The following LRRTM4 variants were observed in gnomAD, a reference collection of about 807,000 sequenced individuals.
The protein encoded by LRRTM4 is leucine-rich repeat transmembrane neuronal protein 4.
A neutral mutation model predicts 47.6 loss-of-function variants in LRRTM4; 25 were observed. That is an observed-to-expected ratio of 0.53 (90% CI 0.38 to 0.73). The LOEUF (loss-of-function observed/expected upper bound fraction) is 0.73, where lower values mean the gene tolerates loss of function less well. Ranked by LOEUF, LRRTM4 falls within the 30% of genes least tolerant of loss-of-function variation. The pLI is 0.00. For synonymous variants in LRRTM4, 311 were observed against 269.5 expected (o/e 1.15, Z -1.51); for missense variants, 638 against 713.4 (o/e 0.89, Z 1.20).
At chr2:77,029,058 T>A (rs1247806472) in intron 3 of LRRTM4, among the ~76,000 whole-genome samples, 5 of 144,098 alleles carry the variant, frequency 3.5e-5, no homozygotes, top group African/African-American at 1.3e-4. Context: ...CACAAATATA[T>A]ATATATATAT....
chr2:77,308,054 A>G (rs1368359790), intron 3 of LRRTM4, among the ~76,000 whole-genome samples: 2 of 142,236 alleles, frequency 1.4e-5, no homozygotes, highest in Admixed American at 1.4e-4. Flanking sequence ...ATAACATTAT[A>G]TATCTATATA....
At chr2:76,974,651 A>T (rs1395540837) in intron 3 of LRRTM4, among the ~76,000 whole-genome samples, 1 of 151,704 alleles carries the variant, frequency 6.6e-6, no homozygotes, top group Non-Finnish European at 1.5e-5. Context: ...TACAAAGGAT[A>T]TATTTTTCAG....
At chr2:76,793,655 G>A (rs1675099994) in intron 3 of LRRTM4, among the ~76,000 whole-genome samples, 1 of 152,028 alleles carries the variant, frequency 6.6e-6, no homozygotes, top group South Asian at 2.1e-4. Context: ...AGGGAACACA[G>A]GATATGGTAG....
chr2:77,471,949 C>A (rs1047621825), intron 3 of LRRTM4, among the ~76,000 whole-genome samples: 1 of 152,146 alleles, frequency 6.6e-6, no homozygotes, highest in African/African-American at 2.4e-5. Flanking sequence ...CAAATCTAAT[C>A]TTTGTGGTGC....
At chr2:76,771,116 T>A (rs146844378) in intron 3 of LRRTM4, among the ~76,000 whole-genome samples, 41 of 135,376 alleles carry the variant, frequency 3.0e-4, no homozygotes, top group African/African-American at 1.1e-3. Context: ...CTAATCCAGA[T>A]TTAATCCTGA....
chr2:76,955,914 A>G (rs1469889977), intron 3 of LRRTM4, among the ~76,000 whole-genome samples: 3 of 151,836 alleles, frequency 2.0e-5, no homozygotes, highest in Non-Finnish European at 4.4e-5. Flanking sequence ...CCAAACTGAC[A>G]AAGATGGACA....
At chr2:77,300,224 A>G (rs1287923546) in intron 3 of LRRTM4, among the ~76,000 whole-genome samples, 2 of 152,180 alleles carry the variant, frequency 1.3e-5, no homozygotes, top group African/African-American at 4.8e-5. Context: ...TCTAGGAAAC[A>G]TAGGTTATTT....
intron 3 of LRRTM4, among the ~76,000 whole-genome samples, chr2:76,801,862 G>A (rs1675708843): frequency 6.6e-6 from 1 of 151,982 alleles, no homozygotes; most frequent in Non-Finnish European, 1.5e-5. Context: ...ACACAATGAA[G>A]GACAAACACC....
At chr2:76,814,461 T>C (rs954976660) in intron 3 of LRRTM4, among the ~76,000 whole-genome samples, 4 of 152,066 alleles carry the variant, frequency 2.6e-5, no homozygotes, top group African/African-American at 9.7e-5. Context: ...TCCTTATCCA[T>C]GGTTCTGCAT....
intron 3 of LRRTM4, among the ~76,000 whole-genome samples, chr2:77,438,514 C>G (rs188824089): frequency 1.4e-5 from 2 of 147,768 alleles, no homozygotes; most frequent in East Asian, 4.0e-4. Context: ...TCACGCCATT[C>G]TCCTTCCTCA....
At position 77,325,031 on chromosome 2, in the gene LRRTM4, T is replaced by C. The variant is rs548118931; in HGVS notation, c.1551+193287A>G. Among the ~76,000 whole-genome samples the C allele has an allele frequency of 1.1e-4, 16 of 152,280 alleles. No homozygotes were observed. In the East Asian group the frequency reaches 3.1e-3, roughly 29 times the overall value. ...GTTATAGTATTCCATGCACATCCCT[T>C]CCACTGAAGCAGCTACTATTTAGTT... On this transcript the variant is annotated intron_variant, in intron 3 of 3. Coordinates refer to ENST00000409884, the MANE Select transcript of LRRTM4 (RefSeq NM_001134745.3).
intron 3 of LRRTM4, among the ~76,000 whole-genome samples, chr2:77,069,143 C>A (rs1363038981): frequency 6.6e-6 from 1 of 152,122 alleles, no homozygotes; most frequent in African/African-American, 2.4e-5. Flanking sequence ...GGCTGTGAGA[C>A]CCCTGATTTC....
intron 3 of LRRTM4, among the ~76,000 whole-genome samples, chr2:76,899,165 A>G (rs1033539658): frequency 1.1e-4 from 16 of 152,086 alleles, no homozygotes; most frequent in African/African-American, 3.9e-4. Context: ...GAGTATGCAT[A>G]TACCTCAAGA....
chr2:77,110,640 C>T (rs1276454621), intron 3 of LRRTM4, among the ~76,000 whole-genome samples: 1 of 152,002 alleles, frequency 6.6e-6, no homozygotes, highest in Admixed American at 6.5e-5. Flanking sequence ...ATGTCTGACC[C>T]TTAACAAGAA....
chr2:76,958,318 G>C (rs1005481579), intron 3 of LRRTM4, among the ~76,000 whole-genome samples: 2 of 151,708 alleles, frequency 1.3e-5, no homozygotes, highest in African/African-American at 4.8e-5. Context: ...TTTTGAGTTT[G>C]ACTCTATGGT....
At chr2:76,948,832 TG>T (rs1431949675) in intron 3 of LRRTM4, among the ~76,000 whole-genome samples, 6 of 151,838 alleles carry the variant, frequency 4.0e-5, no homozygotes, top group African/African-American at 1.4e-4. Flanking sequence ...TAATGAAATT[TG>T]GGGCTCATAA....
At chr2:76,867,060 C>T (rs1426897465) in intron 3 of LRRTM4, among the ~76,000 whole-genome samples, 1 of 151,462 alleles carries the variant, frequency 6.6e-6, no homozygotes, top group Non-Finnish European at 1.5e-5. Context: ...CACACAACGT[C>T]TGTTAGGGGG....
chr2:77,149,226 C>T lies in LRRTM4; in HGVS notation c.1551+369092G>A, dbSNP rs149179469. ...AATTTTAATATAAAAAATAAAATAT[C>T]TCAATGACCTTTTTTACCAATTGCA... On this transcript the variant is annotated intron_variant, in intron 3 of 3. Transcript: ENST00000409884. Among the ~76,000 whole-genome samples, 32 of 152,084 alleles carry T rather than the reference C, an allele frequency of 2.1e-4. No individual in the cohort carries two copies. The East Asian group carries it at 6.2e-3, about 29-fold the overall frequency.
At chr2:77,511,721 C>A (rs1486475888) in intron 3 of LRRTM4, among the ~76,000 whole-genome samples, 1 of 151,702 alleles carries the variant, frequency 6.6e-6, no homozygotes, top group African/African-American at 2.4e-5. Flanking sequence ...CTTCATATTT[C>A]TTTCTGAATT....
Sources: allele counts gnomAD v4.1 joint callset (sites outside exome capture counted in the v4.1 genomes callset), GRCh38; gene constraint gnomAD v4.1.1; transcripts MANE v1.5; gene names NCBI Gene and HGNC (gene_info 2026-07-23, HGNC 2026-07-21).